CBLB: variants seen among roughly 807,000 people sequenced by gnomAD.
CBLB encodes Cbl proto-oncogene B, also known as E3 ubiquitin-protein ligase CBL-B.
In CBLB, 31 loss-of-function variants were observed where a neutral mutation model predicts 104.9. That is an observed-to-expected ratio of 0.30 (90% CI 0.22 to 0.40). The LOEUF (loss-of-function observed/expected upper bound fraction) is 0.40, where lower values mean the gene tolerates loss of function less well. CBLB is among the 10% of genes least tolerant of loss of function. The probability of loss-of-function intolerance (pLI) is 1.00; values close to 1 mark genes in which losing one functional copy is unlikely to be tolerated. For missense variants in CBLB, 1,062 were observed against 1,214.6 expected (o/e 0.87, Z 1.87); for synonymous variants, 440 against 422.6 (o/e 1.04, Z -0.51).
intron 18 of CBLB, among the ~76,000 whole-genome samples, chr3:105,667,009 G>C (rs1455149925): frequency 6.6e-6 from 1 of 152,164 alleles, no homozygotes; most frequent in Non-Finnish European, 1.5e-5. Context: ...TCTTAACAGA[G>C]ATAAACTATT....
intron 3 of CBLB, among the ~76,000 whole-genome samples, chr3:105,780,653 GTT>G (rs1245925965): frequency 1.2e-5 from 1 of 84,690 alleles, no homozygotes; most frequent in East Asian, 3.0e-4. Context: ...TAAAAGTTTT[GTT>G]TTTTGTTTTT....
At chr3:105,767,617 A>G (rs2078373783) in intron 4 of CBLB, among the ~76,000 whole-genome samples, 1 of 151,310 alleles carries the variant, frequency 6.6e-6, no homozygotes, top group Non-Finnish European at 1.5e-5. Context: ...CATCATACAA[A>G]GTCAAATGTA....
chr3:105,832,580 T>C (rs532894734), intron 3 of CBLB, among the ~76,000 whole-genome samples: 214 of 152,294 alleles, frequency 1.4e-3, no homozygotes, highest in Non-Finnish European at 2.7e-3. Flanking sequence ...GATTGACAGG[T>C]CCAGCTTAAG....
chr3:105,724,938 G>A (rs935613281), intron 9 of CBLB, among the ~76,000 whole-genome samples: 29 of 152,114 alleles, frequency 1.9e-4, no homozygotes, highest in African/African-American at 7.0e-4. Flanking sequence ...ATCACAACAA[G>A]GGGATCTATT....
At chr3:105,775,176 G>A (rs1268522676) in intron 4 of CBLB, among the ~76,000 whole-genome samples, 1 of 151,968 alleles carries the variant, frequency 6.6e-6, no homozygotes, top group Non-Finnish European at 1.5e-5. Flanking sequence ...CATGTTAATG[G>A]CAACAATGGC....
intron 2 of CBLB, among the ~76,000 whole-genome samples, chr3:105,864,021 T>A (rs768364386): frequency 2.6e-5 from 4 of 152,190 alleles, no homozygotes; most frequent in Non-Finnish European, 4.4e-5. Context: ...CCAACCATAC[T>A]GATTAGTAAT....
intron 3 of CBLB, among the ~76,000 whole-genome samples, chr3:105,844,941 C>T (rs186222893): frequency 6.6e-6 from 1 of 152,232 alleles, no homozygotes; most frequent in Non-Finnish European, 1.5e-5. Context: ...AACAACTCTG[C>T]CACTTGAAAG....
intron 2 of CBLB, among the ~76,000 whole-genome samples, chr3:105,859,885 T>C (rs2091956517): frequency 6.6e-6 from 1 of 152,070 alleles, no homozygotes. Flanking sequence ...TGTAAAAAAG[T>C]ATAAAAATAC....
intron 10 of CBLB, among the ~76,000 whole-genome samples, chr3:105,715,217 T>G (rs544135766): frequency 6.6e-6 from 1 of 152,262 alleles, no homozygotes; most frequent in South Asian, 2.1e-4. Flanking sequence ...ATCCTGGACT[T>G]TGTCTGAGGG....
rs200061909 is a variant in CBLB at position 105,702,082 on chromosome 3, C to T, written c.1959+12G>A. 49 of 1,613,782 alleles carry T rather than the reference C, an allele frequency of 3.0e-5. No individual in the cohort carries two copies. The highest frequency in any genetic ancestry group is 1.5e-4 in the Admixed American group (9 of 59,990). ...AGCAGATTCTCTAGCTTCTGCTTTG[C>T]GTATTTCTTACCTTAGCTCCTTCTA... On this transcript the variant is annotated intron_variant, in intron 12 of 18. Coordinates refer to ENST00000394030, the MANE Select transcript of CBLB (RefSeq NM_170662.5).
intron 4 of CBLB, among the ~76,000 whole-genome samples, chr3:105,752,280 T>C (rs2076664012): frequency 6.6e-6 from 1 of 152,212 alleles, no homozygotes; most frequent in Non-Finnish European, 1.5e-5. Flanking sequence ...AATTTTAACA[T>C]GTTATGCAGT....
intron 3 of CBLB, among the ~76,000 whole-genome samples, chr3:105,785,665 T>C (rs552155932): frequency 3.6e-4 from 55 of 152,290 alleles, no homozygotes; most frequent in African/African-American, 1.3e-3. Context: ...TCTTTTGGAA[T>C]AGGACAAGTA....
At chr3:105,787,096 G>A (rs1450837523) in intron 3 of CBLB, among the ~76,000 whole-genome samples, 1 of 152,070 alleles carries the variant, frequency 6.6e-6, no homozygotes, top group Non-Finnish European at 1.5e-5. Flanking sequence ...AGAAAAACAT[G>A]GCTGTAATAA....
chr3:105,750,081 C>T (rs998651513), intron 5 of CBLB, among the ~76,000 whole-genome samples: 3 of 151,130 alleles, frequency 2.0e-5, no homozygotes, highest in Non-Finnish European at 2.9e-5. Context: ...TGCAGTGACA[C>T]GATATCAGCT....
Position 105,655,468 on chromosome 3 carries a change from A to G in CBLB, c.*3502T>C, listed in dbSNP as rs1331852395. The G allele has an allele frequency of 3.5e-5, 6 of 171,284 alleles. No individual in the cohort carries two copies. The Admixed American group carries it at 3.8e-4, about 11-fold the overall frequency. 10.6% of individuals were successfully genotyped at this position (171,284 alleles called of 1,614,324 possible). A position where few individuals can be genotyped will look rare whatever the true frequency, so the allele number is the denominator to read the frequency against. On this transcript the variant is annotated 3_prime_UTR_variant, in exon 19 of 19. Coordinates refer to ENST00000394030, the MANE Select transcript of CBLB (RefSeq NM_170662.5). ...TAAAGTACCAACTCTGCATTTAGTT[A>G]ACGTTCATTTTATAAAATACTTTAA... is the stretch of plus-strand genomic sequence containing the variant.
chr3:105,749,638 T>A (rs1560076802), intron 5 of CBLB: 2 of 168,838 alleles, frequency 1.2e-5, no homozygotes, highest in South Asian at 1.2e-4. Flanking sequence ...GAATGAGCAG[T>A]TAGGTTTAAT....
At chr3:105,846,015 A>G (rs1247636277) in intron 3 of CBLB, among the ~76,000 whole-genome samples, 1 of 152,106 alleles carries the variant, frequency 6.6e-6, no homozygotes, top group East Asian at 1.9e-4. Flanking sequence ...AATCCAAGAT[A>G]AAAATTATTA....
chr3:105,681,767 T>C lies in CBLB; in HGVS notation c.2253A>G (p.Ser751=). 1 of 1,611,698 alleles carries C rather than the reference T, an allele frequency of 6.2e-7. No individual in the cohort carries two copies. The highest frequency in any genetic ancestry group is 8.5e-7 in the Non-Finnish European group (1 of 1,177,974). Reference sequence around the variant, plus strand: ...AGTCAGGGATGTTTGATTTCTTCTCTGAAGATGGACCATGTGTTCCATTCA... The same window carrying C: ...AGTCAGGGATGTTTGATTTCTTCTCCGAAGATGGACCATGTGTTCCATTCA... ...CMLNGTHGPS[S]EKKSNIPDLS... is the part of the protein sequence containing the mutation. Residue 751 remains serine, a synonymous_variant, in exon 15 of 19, where the codon TCA becomes TCG. Coordinates refer to ENST00000394030, the MANE Select transcript of CBLB (RefSeq NM_170662.5).
rs777942451 is a variant in CBLB, at chr3:105,868,791, G to A, written c.-70C>T. On this transcript the variant is annotated 5_prime_UTR_variant, in exon 1 of 19. Transcript: ENST00000394030. ...CGTGTGCGCGGGTCCCACTCCACAC[G>A]CACGCAGCCCAGTGTGTGTGGGGAG... is the stretch of plus-strand genomic sequence containing the variant. 1,569 of 988,610 alleles carry A rather than the reference G, an allele frequency of 1.6e-3. No homozygotes were observed. The highest frequency in any genetic ancestry group is 1.8e-3 in the Non-Finnish European group (1,497 of 831,964). 61.2% of individuals were successfully genotyped at this position (988,610 alleles called of 1,614,324 possible).
Sources: allele counts gnomAD v4.1 joint callset (sites outside exome capture counted in the v4.1 genomes callset), GRCh38; gene constraint gnomAD v4.1.1; transcripts MANE v1.5; gene names NCBI Gene and HGNC (gene_info 2026-07-23, HGNC 2026-07-21).